SSMEM1: variants seen among roughly 807,000 people sequenced by gnomAD.
SSMEM1 encodes the protein serine-rich single-pass membrane protein 1.
In SSMEM1, 12 loss-of-function variants were observed where a neutral mutation model predicts 9.9. The observed-to-expected ratio is 1.21, with a 90% CI of 0.78 to 1.96. The LOEUF is 1.96. Ranked by LOEUF, SSMEM1 falls within the 30% of genes most tolerant of loss-of-function variation. SSMEM1 has a pLI of 0.00. For missense variants in SSMEM1, 259 were observed against 292.2 expected, an observed-to-expected ratio of 0.89 and a Z score of 0.83; for synonymous variants, 96 against 98.9, an observed-to-expected ratio of 0.97 and a Z score of 0.17.
chr7:130,208,100 T>C lies in SSMEM1; in HGVS notation c.183+7T>C, dbSNP rs1431892861. 6.3e-7 allele frequency: 1 copy of C among 1,591,112 alleles called. No individual in the cohort carries two copies. Among genetic ancestry groups the C allele is most frequent in the Admixed American group, 1.9e-5 (1 of 53,930 alleles). ...CTCTAGGGCTTCTGTCTGGGTAGGA[T>C]ATCTTTTTTTCATTTTAAATAATAT... On this transcript the variant is annotated splice_region_variant and intron_variant, in intron 1 of 2. Transcript: ENST00000297819.
chr7:130,211,405 C>T (rs537587460), intron 1 of SSMEM1, among the ~76,000 whole-genome samples: 6 of 152,122 alleles, frequency 3.9e-5, no homozygotes, highest in South Asian at 2.1e-4. Flanking sequence ...GTGATCTGCC[C>T]GCCTCAGCCT....
chr7:130,210,853 G>T (rs777820262), intron 1 of SSMEM1, among the ~76,000 whole-genome samples: 17 of 152,190 alleles, frequency 1.1e-4, no homozygotes, highest in Non-Finnish European at 2.2e-4. Flanking sequence ...TCAAATGTGA[G>T]AGCTTTCTGT....
intron 1 of SSMEM1, 51 bp from the exon 2 acceptor site, chr7:130,213,428 AT>A: frequency 6.7e-7 from 1 of 1,492,918 alleles, no homozygotes; most frequent in African/African-American, 1.4e-5. Context: ...ACAAGTACAT[AT>A]TATCAAAAAA....
chr7:130,205,514 G>T, upstream of SSMEM1: 1 of 1,393,548 alleles, frequency 7.2e-7, no homozygotes, highest in Non-Finnish European at 1.0e-6. Flanking sequence ...AAAGGGAGGG[G>T]TCGCAGGCCC....
In SSMEM1 at chr7:130,216,685, G is replaced by T; in HGVS notation, c.*215G>T. On this transcript the variant is annotated 3_prime_UTR_variant, in exon 3 of 3. Coordinates refer to ENST00000297819, the MANE Select transcript of SSMEM1 (RefSeq NM_145268.4). The stretch of plus-strand genomic sequence containing the variant: ...TTTATGGCACCATTGGAACACCAAA[G>T]ATCTATATCTGCTATGATTTTTTTA... The T allele has an allele frequency of 3.5e-6, 2 of 570,092 alleles. No individual in the cohort carries two copies. Among genetic ancestry groups the T allele is most frequent in the South Asian group, 4.8e-5 (2 of 41,866 alleles). 35.3% of individuals were successfully genotyped at this position (570,092 alleles called of 1,614,324 possible). A position where few individuals can be genotyped will look rare whatever the true frequency, so the allele number is the denominator to read the frequency against.
At chr7:130,210,008 C>G (rs903920370) in intron 1 of SSMEM1, among the ~76,000 whole-genome samples, 1 of 152,208 alleles carries the variant, frequency 6.6e-6, no homozygotes, top group Admixed American at 6.5e-5. Context: ...TATCATTATC[C>G]CTCCCCCACT....
In SSMEM1 at chr7:130,216,688, CTA is replaced by C; in HGVS notation, c.*222_*223del. 5.4e-6 allele frequency: 3 copies of C among 557,688 alleles called. No homozygotes were observed. The South Asian group carries it at 7.4e-5, about 14-fold the overall frequency. The allele number at this position is 557,688 out of a possible 1,614,324, so 34.5% of individuals were successfully genotyped here. On this transcript the variant is annotated 3_prime_UTR_variant, in exon 3 of 3. Transcript: ENST00000297819. The stretch of plus-strand genomic sequence containing the variant: ...ATGGCACCATTGGAACACCAAAGAT[CTA>C]TATCTGCTATGATTTTTTTATTTGA...
At chr7:130,207,836 CATAG>C, upstream of SSMEM1, 1 of 1,490,800 alleles carries the variant, frequency 6.7e-7, no homozygotes, top group Non-Finnish European at 9.3e-7. Context: ...TGTCATACAT[CATAG>C]AGGGAGTGAA....
In SSMEM1 at chr7:130,216,571, C is replaced by T. The variant is rs1798713995; in HGVS notation, c.*101C>T. On this transcript the variant is annotated 3_prime_UTR_variant, in exon 3 of 3. Transcript: ENST00000297819. ...GGTGAGGAGACTTTTACAACAAAGT[C>T]TCTCTACCAACAAACAAAAACATAC... The T allele has an allele frequency of 1.4e-6, 2 of 1,391,846 alleles. No individual in the cohort carries two copies. Among genetic ancestry groups the T allele is most frequent in the Non-Finnish European group, 1.9e-6 (2 of 1,026,762 alleles). 86.2% of individuals were successfully genotyped at this position (1,391,846 alleles called of 1,614,324 possible). A position where few individuals can be genotyped will look rare whatever the true frequency, so the allele number is the denominator to read the frequency against.
rs570891474 is a variant in SSMEM1, at chr7:130,215,848, G to A, written c.239-126G>A. 4 of 1,287,934 alleles carry A rather than the reference G, an allele frequency of 3.1e-6. No individual in the cohort carries two copies. In the East Asian group the frequency reaches 7.0e-5, roughly 23 times the overall value. 79.8% of individuals were successfully genotyped at this position (1,287,934 alleles called of 1,614,324 possible). A position where few individuals can be genotyped will look rare whatever the true frequency, so the allele number is the denominator to read the frequency against. On this transcript the variant is annotated intron_variant, in intron 2 of 2. Coordinates refer to ENST00000297819, the MANE Select transcript of SSMEM1 (RefSeq NM_145268.4). ...CAGCTGCCAACACTTGCAGGTGACTGGAGAAAAGCAATGGCTTGACAACTG... is the reference window on the plus strand; with the variant it reads ...CAGCTGCCAACACTTGCAGGTGACTAGAGAAAAGCAATGGCTTGACAACTG...
At chr7:130,211,411 A>G (rs1186503547) in intron 1 of SSMEM1, among the ~76,000 whole-genome samples, 4 of 152,218 alleles carry the variant, frequency 2.6e-5, no homozygotes, top group African/African-American at 4.8e-5. Flanking sequence ...TGCCCGCCTC[A>G]GCCTCCCAAA....
Position 130,208,005 on chromosome 7 carries a change from A to T in SSMEM1, c.95A>T (p.Asp32Val), listed in dbSNP as rs780147118. The change falls in exon 1 of 3, where the codon GAT becomes GTT. Residue 32 changes from aspartate (D) to valine (V), a missense_variant. Transcript: ENST00000297819. ...IPNQDYECWK[D>V]DSCGTIGSFL... The stretch of plus-strand genomic sequence containing the variant: ...AATCAGGATTATGAATGCTGGAAGG[A>T]TGACTCTTGTGGAACCATAGGGAGC... 2.5e-6 allele frequency: 4 copies of T among 1,614,012 alleles called. No individual in the cohort carries two copies. In the East Asian group the frequency reaches 6.7e-5, roughly 27 times the overall value.
At chr7:130,213,331 G>T (rs1431237933) in intron 1 of SSMEM1, 149 bp from the exon 2 acceptor site, 3 of 454,908 alleles carry the variant, frequency 6.6e-6, no homozygotes, top group African/African-American at 6.1e-5. Context: ...CTGGGCAACA[G>T]AGTGAGACTC....
chr7:130,213,569 A>G, intron 2 of SSMEM1, 35 bp downstream of exon 2: 1 of 1,592,862 alleles, frequency 6.3e-7, no homozygotes, highest in Non-Finnish European at 8.6e-7. Context: ...TTGGACTATG[A>G]GGGGAAGAAT....
intron 1 of SSMEM1, among the ~76,000 whole-genome samples, chr7:130,209,097 A>G (rs1452740365): frequency 6.6e-6 from 1 of 152,106 alleles, no homozygotes; most frequent in Non-Finnish European, 1.5e-5. Flanking sequence ...TCCTGACCTC[A>G]AGTAGTCTGC....
upstream of SSMEM1, chr7:130,205,588 G>C (rs1584707192): frequency 1.5e-6 from 1 of 671,112 alleles, no homozygotes; most frequent in African/African-American, 1.8e-5. Flanking sequence ...AGCTGCGGGA[G>C]AAAGCTAAGC....
At chr7:130,207,229 TAAAC>T (rs1046590797), upstream of SSMEM1, among the ~76,000 whole-genome samples, 104 of 152,284 alleles carry the variant, frequency 6.8e-4, 1 homozygote, top group African/African-American at 2.4e-3. Flanking sequence ...ACAGGTGGCT[TAAAC>T]AACAGAAATT....
intron 1 of SSMEM1, among the ~76,000 whole-genome samples, chr7:130,210,981 A>C (rs969115940): frequency 8.2e-4 from 124 of 152,116 alleles, no homozygotes; most frequent in African/African-American, 2.8e-3. Context: ...AATAAAAATC[A>C]CTCCAGATTA....
intron 2 of SSMEM1, among the ~76,000 whole-genome samples, chr7:130,214,326 C>A (rs1241142450): frequency 1.3e-5 from 2 of 152,124 alleles, no homozygotes; most frequent in Non-Finnish European, 2.9e-5. Context: ...GCAACAGAAT[C>A]ACTTGAGCCC....
Sources: allele counts gnomAD v4.1 joint callset (sites outside exome capture counted in the v4.1 genomes callset), GRCh38; gene constraint gnomAD v4.1.1; transcripts MANE v1.5; gene names NCBI Gene and HGNC (gene_info 2026-07-23, HGNC 2026-07-21).